Variants in RALGPS1 observed in about 807,000 individuals in gnomAD.
The protein encoded by RALGPS1 is ras-specific guanine nucleotide-releasing factor RalGPS1.
Under a neutral mutation model 78.8 loss-of-function variants are expected in RALGPS1, and 19 were observed. The ratio of observed to expected loss-of-function variants is 0.24; its 90% confidence interval spans 0.17 to 0.35. The LOEUF (loss-of-function observed/expected upper bound fraction) is 0.35. RALGPS1 is among the 10% of genes least tolerant of loss of function. The probability of loss-of-function intolerance (pLI) is 1.00; values close to 1 mark genes in which losing one functional copy is unlikely to be tolerated. For missense variants in RALGPS1, 454 were observed against 688.3 expected (o/e 0.66, Z 3.81); for synonymous variants, 228 against 256.3 (o/e 0.89, Z 1.06).
chr9:126,944,570 G>T (rs759175025), intron 1 of RALGPS1, among the ~76,000 whole-genome samples: 33 of 148,322 alleles, frequency 2.2e-4, no homozygotes, highest in Non-Finnish European at 3.3e-4. Flanking sequence ...GAGACTATGG[G>T]GAGGGAAATT....
chr9:127,149,672 A>G (rs1395479404), intron 8 of RALGPS1, among the ~76,000 whole-genome samples: 2 of 152,224 alleles, frequency 1.3e-5, no homozygotes, highest in Non-Finnish European at 2.9e-5. Flanking sequence ...ACAGAGGTTC[A>G]TGGCTGACAG....
intron 8 of RALGPS1, among the ~76,000 whole-genome samples, chr9:127,073,652 T>C (rs906323965): frequency 6.6e-6 from 1 of 152,178 alleles, no homozygotes; most frequent in Non-Finnish European, 1.5e-5. Context: ...GCTCTATTTT[T>C]AGTTTTTCAA....
chr9:127,206,415 C>A (rs1240157539), intron 14 of RALGPS1, among the ~76,000 whole-genome samples: 2 of 152,200 alleles, frequency 1.3e-5, no homozygotes, highest in Non-Finnish European at 2.9e-5. Context: ...GCGAAGCAAA[C>A]ATGTTCTTCT....
intron 4 of RALGPS1, among the ~76,000 whole-genome samples, chr9:127,008,621 T>A (rs1246160540): frequency 6.6e-6 from 1 of 152,090 alleles, no homozygotes; most frequent in Non-Finnish European, 1.5e-5. Flanking sequence ...CACCTTGTCT[T>A]TGGGGAGACT....
At chr9:127,204,464 C>A (rs1468893271) in intron 14 of RALGPS1, among the ~76,000 whole-genome samples, 1 of 152,264 alleles carries the variant, frequency 6.6e-6, no homozygotes, top group Non-Finnish European at 1.5e-5. Flanking sequence ...GTACTACTTA[C>A]CACCAAGAAA....
Position 127,218,638 on chromosome 9 carries a change from C to T in RALGPS1, c.1645-102C>T, listed in dbSNP as rs190418575. On this transcript the variant is annotated intron_variant, in intron 18 of 18. Transcript: ENST00000259351. The surrounding 1 kb of genome is among the most constrained non-coding windows in gnomAD (Gnocchi z 4.4). ...CTCTCCCTACCCAACCTGCTCATTC[C>T]CAGACTCACGGGGAAAGGCCTGTCC... 17 of 1,289,736 alleles carry T rather than the reference C, an allele frequency of 1.3e-5. No homozygotes were observed. The highest frequency in any genetic ancestry group is 1.8e-5 in the Non-Finnish European group (16 of 885,080). 79.9% of individuals were successfully genotyped at this position (1,289,736 alleles called of 1,614,324 possible). A position where few individuals can be genotyped will look rare whatever the true frequency, so the allele number is the denominator to read the frequency against.
intron 4 of RALGPS1, among the ~76,000 whole-genome samples, chr9:127,000,229 G>A (rs1318588524): frequency 3.3e-5 from 5 of 151,886 alleles, no homozygotes; most frequent in Non-Finnish European, 7.4e-5. Flanking sequence ...TCTTTCTTCT[G>A]CTTACTTTGG....
rs77118644 is a variant in RALGPS1, at chr9:126,962,375, G to A, written c.57+29G>A. Reference sequence around the variant, plus strand: ...CTGAGGCTGCAAGAATCGGGACAGTGGGTAGAGGGGTCTCCTTTCAGCTAA... The same window carrying A: ...CTGAGGCTGCAAGAATCGGGACAGTAGGTAGAGGGGTCTCCTTTCAGCTAA... On this transcript the variant is annotated intron_variant, in intron 2 of 18. Transcript: ENST00000259351. 9.3e-4 allele frequency: 1,498 copies of A among 1,611,866 alleles called. 5 individuals carry two copies. The African/African-American group carries it at 0.015, about 16-fold the overall frequency.
At chr9:127,188,848 A>AAAAAAAAACAAAAAAAAAAAAAAAAC (rs2060846472) in intron 11 of RALGPS1, among the ~76,000 whole-genome samples, 1 of 149,484 alleles carries the variant, frequency 6.7e-6, no homozygotes, top group African/African-American at 2.4e-5. Context: ...AAAAAAAAAA[A>AAAAAAAAACAAAAAAAAAAAAAAAAC]ATGTAGCCAG....
chr9:126,944,169 T>G (rs769762659), intron 1 of RALGPS1, among the ~76,000 whole-genome samples: 1 of 152,216 alleles, frequency 6.6e-6, no homozygotes, highest in Non-Finnish European at 1.5e-5. Context: ...CCCTTAGGCA[T>G]GCACGCAGGA....
At chr9:126,957,931 C>G (rs984310301) in intron 1 of RALGPS1, among the ~76,000 whole-genome samples, 2 of 151,518 alleles carry the variant, frequency 1.3e-5, no homozygotes, top group Non-Finnish European at 2.9e-5. Flanking sequence ...TTGAGCCCAG[C>G]CTCAAGACTA....
chr9:127,051,846 C>G lies in RALGPS1; in HGVS notation c.391-1001C>G, dbSNP rs747039955. 9.9e-4 allele frequency among the ~76,000 whole-genome samples: 150 copies of G among 152,174 alleles called. 3 individuals are homozygous for G. Among genetic ancestry groups the G allele is most frequent in the Non-Finnish European group, 3.2e-4 (22 of 68,026 alleles). Reference sequence around the variant, plus strand: ...GAGGCAAGTAAAAAGCAAGTACAATCCAGTGTGCTACAGATATGCATGGAC... The same window carrying G: ...GAGGCAAGTAAAAAGCAAGTACAATGCAGTGTGCTACAGATATGCATGGAC... On this transcript the variant is annotated intron_variant, in intron 6 of 18. Transcript: ENST00000259351.
At chr9:126,971,655 C>T (rs968018798) in intron 3 of RALGPS1, among the ~76,000 whole-genome samples, 2 of 152,150 alleles carry the variant, frequency 1.3e-5, no homozygotes, top group African/African-American at 4.8e-5. Context: ...TGAGCCCTTC[C>T]TGAGGAATCT....
chr9:127,196,924 C>A (rs765207051), intron 13 of RALGPS1, among the ~76,000 whole-genome samples: 13 of 152,172 alleles, frequency 8.5e-5, no homozygotes, highest in African/African-American at 1.2e-4. Context: ...GACCAGCTGC[C>A]ATTGGCTGGC....
intron 1 of RALGPS1, among the ~76,000 whole-genome samples, chr9:126,944,848 C>T (rs1057470923): frequency 1.3e-5 from 2 of 152,288 alleles, no homozygotes; most frequent in African/African-American, 4.8e-5. Context: ...GCCATTGAGT[C>T]TCATCAGTTT....
At chr9:126,936,004 A>C (rs976986555) in intron 1 of RALGPS1, among the ~76,000 whole-genome samples, 12 of 152,158 alleles carry the variant, frequency 7.9e-5, no homozygotes, top group Admixed American at 6.5e-5. Flanking sequence ...CTAGGGGAGG[A>C]CTGCCTCCCC....
At chr9:126,962,572 G>A (rs1442251778) in intron 2 of RALGPS1, among the ~76,000 whole-genome samples, 1 of 152,226 alleles carries the variant, frequency 6.6e-6, no homozygotes, top group Non-Finnish European at 1.5e-5. Flanking sequence ...ACAAATACCT[G>A]CCCAGTCCAG....
At chr9:127,034,565 C>T (rs780117926) in intron 5 of RALGPS1, 51 bp downstream of exon 5, 3 of 1,526,904 alleles carry the variant, frequency 2.0e-6, no homozygotes, top group East Asian at 2.3e-5. Flanking sequence ...CTGCTGCTGT[C>T]CCCTGTAGGC....
intron 8 of RALGPS1, among the ~76,000 whole-genome samples, chr9:127,109,559 T>G (rs1467423850): frequency 2.0e-5 from 3 of 152,228 alleles, no homozygotes; most frequent in Non-Finnish European, 4.4e-5. Context: ...AGCACAGTCC[T>G]GACCACTGCA....
Sources: gnomAD v4.1 joint callset for allele counts (sites outside exome capture counted in the v4.1 genomes callset) on GRCh38, gnomAD v4.1.1 for gene constraint, Gnocchi (gnomAD v3.1) non-coding constraint, MANE v1.5 for transcripts, NCBI Gene and HGNC (gene_info 2026-07-23, HGNC 2026-07-21) for gene names.